GRIN2A: variants seen among roughly 807,000 people sequenced by gnomAD.
The protein encoded by GRIN2A is glutamate receptor ionotropic, NMDA 2A.
GRIN2A carries 22 observed loss-of-function variants against 113.4 expected under a neutral mutation model. The observed-to-expected ratio is 0.19, with a 90% confidence interval of 0.14 to 0.28. The LOEUF is 0.28. Among genes scored for constraint, GRIN2A ranks in the 10% least tolerant of loss-of-function variants. GRIN2A has a pLI of 1.00. For missense variants in GRIN2A, 1,502 were observed against 1,887.0 expected (o/e 0.80, Z 3.78); for synonymous variants, 827 against 738.4 (o/e 1.12, Z -1.94).
At chr16:9,770,820 A>C (rs1258005430) in intron 11 of GRIN2A, among the ~76,000 whole-genome samples, 1 of 152,166 alleles carries the variant, frequency 6.6e-6, no homozygotes. Flanking sequence ...GTTACAGAAA[A>C]ACTGAACAGA....
At chr16:10,060,939 GT>G (rs1242124392) in intron 2 of GRIN2A, among the ~76,000 whole-genome samples, 2 of 152,292 alleles carry the variant, frequency 1.3e-5, no homozygotes, top group East Asian at 3.9e-4. Flanking sequence ...GAAACTGCTG[GT>G]TTCCCACCCA....
At position 9,762,283 on chromosome 16, in the gene GRIN2A, T is replaced by C. The variant is rs1181288771; in HGVS notation, c.*866A>G. 1 of 225,630 alleles carries C rather than the reference T, an allele frequency of 4.4e-6. No homozygotes were observed. Among genetic ancestry groups the C allele is most frequent in the African/African-American group, 2.2e-5 (1 of 44,864 alleles). The allele number at this position is 225,630 out of a possible 1,614,324, so 14.0% of individuals were successfully genotyped here. On this transcript the variant is annotated 3_prime_UTR_variant, in exon 13 of 13. Transcript: ENST00000330684. ...GGGAGGAAATGCAAACTTACGTACA[T>C]AGGCGTCTTCGGGATAAACTACAAT...
At chr16:10,145,513 T>TTA in intron 2 of GRIN2A, among the ~76,000 whole-genome samples, 1 of 150,014 alleles carries the variant, frequency 6.7e-6, no homozygotes, top group East Asian at 1.9e-4. Context: ...CAGCTGTTTT[T>TTA]AAAAAAAAAA....
At chr16:9,962,872 A>G (rs11861172) in intron 2 of GRIN2A, among the ~76,000 whole-genome samples, 236 of 152,224 alleles carry the variant, frequency 1.6e-3, no homozygotes, top group African/African-American at 5.5e-3. Flanking sequence ...AAACCAACCC[A>G]AATGTCCAAC....
chr16:10,111,716 A>G, intron 2 of GRIN2A: 1 of 1,547,670 alleles, frequency 6.5e-7, no homozygotes, highest in Non-Finnish European at 8.9e-7. Flanking sequence ...AAGTTTGAAC[A>G]GGGCTTCATC....
At chr16:10,039,360 A>G (rs2047098791) in intron 2 of GRIN2A, among the ~76,000 whole-genome samples, 1 of 152,210 alleles carries the variant, frequency 6.6e-6, no homozygotes, top group Non-Finnish European at 1.5e-5. Flanking sequence ...CCTGCACCAA[A>G]AACCTGCTCT....
At chr16:10,042,734 G>T (rs1440246080) in intron 2 of GRIN2A, among the ~76,000 whole-genome samples, 1 of 152,212 alleles carries the variant, frequency 6.6e-6, no homozygotes. Flanking sequence ...AGAGGAATCT[G>T]CTGGGGTTGG....
chr16:9,846,842 C>T (rs1018590056), intron 5 of GRIN2A, among the ~76,000 whole-genome samples: 1 of 152,108 alleles, frequency 6.6e-6, no homozygotes, highest in Admixed American at 6.6e-5. Flanking sequence ...CAACAGCAGG[C>T]CTTTTTCTTC....
In GRIN2A at chr16:10,052,785, C is replaced by T. The variant is rs904831231; in HGVS notation, c.415-114234G>A. Among the ~76,000 whole-genome samples, 39 of 152,304 alleles carry T rather than the reference C, an allele frequency of 2.6e-4. 1 individual carries two copies. The highest frequency in any genetic ancestry group is 9.4e-4 in the African/African-American group (39 of 41,562). ...GAGTGAGGCCAGGCATGGTGGCTTACACCTGTAATCCCAGCACTTTGGAAG... is the reference window on the plus strand; with the variant it reads ...GAGTGAGGCCAGGCATGGTGGCTTATACCTGTAATCCCAGCACTTTGGAAG... On this transcript the variant is annotated intron_variant, in intron 2 of 12. Coordinates refer to ENST00000330684, the MANE Select transcript of GRIN2A (RefSeq NM_001134407.3).
intron 2 of GRIN2A, among the ~76,000 whole-genome samples, chr16:10,039,521 G>T (rs1382936472): frequency 6.6e-6 from 1 of 151,996 alleles, no homozygotes; most frequent in Non-Finnish European, 1.5e-5. Flanking sequence ...CCTCTCCCTA[G>T]GGGCAGGATG....
chr16:9,863,372 G>C (rs2043104911), intron 4 of GRIN2A, among the ~76,000 whole-genome samples: 1 of 147,638 alleles, frequency 6.8e-6, no homozygotes, highest in South Asian at 2.2e-4. Flanking sequence ...GAGGTGGGGA[G>C]AAAGCAGCCA....
intron 10 of GRIN2A, among the ~76,000 whole-genome samples, chr16:9,806,882 T>C (rs1207905867): frequency 6.6e-6 from 1 of 152,080 alleles, no homozygotes; most frequent in Non-Finnish European, 1.5e-5. Context: ...ATTGTAGCTC[T>C]CATAATTCCC....
At chr16:9,925,469 C>T (rs1284425570) in intron 3 of GRIN2A, among the ~76,000 whole-genome samples, 2 of 152,108 alleles carry the variant, frequency 1.3e-5, no homozygotes, top group East Asian at 1.9e-4. Flanking sequence ...TCCATTTACG[C>T]GGATCACTTT....
chr16:10,023,055 C>G (rs972708301), intron 2 of GRIN2A, among the ~76,000 whole-genome samples: 31 of 152,104 alleles, frequency 2.0e-4, no homozygotes, highest in Admixed American at 2.0e-3. Flanking sequence ...TTAAACAACC[C>G]GAGATGATCA....
In GRIN2A at chr16:9,763,590, C is replaced by G. The variant is rs1900697016; in HGVS notation, c.3954G>C (p.Arg1318=). 3 of 1,613,698 alleles carry G rather than the reference C, an allele frequency of 1.9e-6. No individual in the cohort carries two copies. The highest frequency in any genetic ancestry group is 2.5e-6 in the Non-Finnish European group (3 of 1,179,988). Residue 1318 remains arginine, a synonymous_variant, in exon 13 of 13, where the codon CGG becomes CGC. Transcript: ENST00000330684. ...SRSISLKDRE[R]LLEGNFYGSL... ...TGCCGTAAAAATTTCCCTCCAGAAG[C>G]CGTTCCCTGTCCTTGAGGCTTATGC...
chr16:9,859,643 C>CAG lies in GRIN2A; in HGVS notation c.1123-9684_1123-9683dup, dbSNP rs1555497463. On this transcript the variant is annotated intron_variant, in intron 4 of 12. Transcript: ENST00000330684. Reference sequence around the variant, plus strand: ...ACACACACACACACACACACACACACAGAGAGGATATGAAGCTACAATGAT... The same window carrying CAG: ...ACACACACACACACACACACACACACAGAGAGAGGATATGAAGCTACAATGAT... 7.2e-3 allele frequency among the ~76,000 whole-genome samples: 1,062 copies of CAG among 146,986 alleles called. 18 individuals carry two copies. The highest frequency in any genetic ancestry group is 0.024 in the African/African-American group (969 of 39,776).
chr16:10,062,829 C>T (rs987944951), intron 2 of GRIN2A, among the ~76,000 whole-genome samples: 1 of 151,194 alleles, frequency 6.6e-6, no homozygotes, highest in African/African-American at 2.4e-5. Context: ...TGTGCCACTG[C>T]ACTCCAGCCT....
chr16:9,922,379 A>T (rs930015649), intron 3 of GRIN2A, among the ~76,000 whole-genome samples: 2 of 152,198 alleles, frequency 1.3e-5, no homozygotes, highest in African/African-American at 4.8e-5. Context: ...ATGCAGGAGC[A>T]AGCTAGGATT....
chr16:9,974,583 G>A (rs570254618), intron 2 of GRIN2A, among the ~76,000 whole-genome samples: 13 of 152,116 alleles, frequency 8.5e-5, no homozygotes, highest in African/African-American at 2.4e-4. Context: ...CGATGCTCGC[G>A]GCCGAATAAA....
Sources: allele counts gnomAD v4.1 joint callset (sites outside exome capture counted in the v4.1 genomes callset), GRCh38; gene constraint gnomAD v4.1.1; transcripts MANE v1.5; gene names NCBI Gene and HGNC (gene_info 2026-07-23, HGNC 2026-07-21).